Variants in UBQLN2 observed in about 807,000 individuals in gnomAD.
UBQLN2 encodes ubiquilin-2.
A neutral mutation model predicts 22.2 loss-of-function variants in UBQLN2; 2 were observed. That is an observed-to-expected ratio of 0.09 (90% CI 0.04 to 0.28). UBQLN2 has a LOEUF of 0.28. UBQLN2 is among the 10% of genes least tolerant of loss of function. The probability of loss-of-function intolerance (pLI) is 1.00; values close to 1 mark genes in which losing one functional copy is unlikely to be tolerated. For missense variants in UBQLN2, 446 were observed against 505.1 expected (o/e 0.88, Z 1.12); for synonymous variants, 252 against 206.7 (o/e 1.22, Z -1.88).
At position 56,564,541 on chromosome X, in the gene UBQLN2, A is replaced by G; in HGVS notation, c.668A>G (p.His223Arg). Residue 223 changes from histidine to arginine, a missense_variant, in exon 1 of 1, where the codon CAC becomes CGC. By Grantham distance (29) the His-to-Arg change is conservative (BLOSUM62 0). Coordinates refer to ENST00000338222, the MANE Select transcript of UBQLN2 (RefSeq NM_013444.4). ...ATTCAGAGAAACCCAGAAATCAGTC[A>G]CCTGCTCAACAACCCAGACATAATG... ...QLIQRNPEIS[H>R]LLNNPDIMRQ... The G allele has an allele frequency of 8.3e-7, 1 of 1,211,909 alleles. No individual in the cohort carries two copies. The highest frequency in any genetic ancestry group is 1.1e-6 in the Non-Finnish European group (1 of 895,519).
Position 56,565,447 on chromosome X carries a change from C to A in UBQLN2, c.1574C>A (p.Pro525His). 1 of 1,196,376 alleles carries A rather than the reference C, an allele frequency of 8.4e-7. No individual in the cohort carries two copies. Among genetic ancestry groups the A allele is most frequent in the Non-Finnish European group, 1.1e-6 (1 of 887,235 alleles). Residue 525 changes from proline (P) to histidine (H), a missense_variant, in exon 1 of 1, where the codon CCT becomes CAT. Pro to His is a moderately conservative substitution (Grantham distance 77). Around this residue, in one of 3 missense-constraint regions of UBQLN2, gnomAD observed 278 missense variants for 279.4 expected, o/e 1.00. Coordinates refer to ENST00000338222, the MANE Select transcript of UBQLN2 (RefSeq NM_013444.4). Reference protein sequence around the residue: ...PIGPTGPAAPPGSTGSGGPTG... With the variant: ...PIGPTGPAAPHGSTGSGGPTG... ...GGACCCACTGGCCCTGCAGCCCCCC[C>A]TGGCTCCACCGGCTCTGGTGGCCCC...
chrX:56,565,258 T>C lies in UBQLN2; in HGVS notation c.1385T>C (p.Leu462Pro). ...GCTTTAATGCAGATCCAGCAGGGGC[T>C]ACAGACATTAGCCACTGAAGCACCT... The part of the protein sequence containing the change: ...MQALMQIQQG[L>P]QTLATEAPGL... Residue 462 changes from leucine to proline, a missense_variant, in exon 1 of 1, where the codon CTA (leucine) becomes CCA (proline). Physicochemically the swap from Leu to Pro is moderately conservative, Grantham distance 98 (BLOSUM62 -3). Around this residue, in one of 3 missense-constraint regions of UBQLN2, gnomAD observed 278 missense variants for 279.4 expected, o/e 1.00. Transcript: ENST00000338222. 1 of 1,212,140 alleles carries C rather than the reference T, an allele frequency of 8.2e-7. No homozygotes were observed. The highest frequency in any genetic ancestry group is 1.1e-6 in the Non-Finnish European group (1 of 895,510).
At position 56,564,615 on chromosome X, in the gene UBQLN2, A is replaced by G; in HGVS notation, c.742A>G (p.Met248Val). 8.3e-7 allele frequency: 1 copy of G among 1,211,365 alleles called. No individual in the cohort carries two copies. ...GAATCCAGCCATGATGCAAGAGATG[A>G]TGAGAAATCAAGACCTGGCTCTTAG... ...ARNPAMMQEM[M>V]RNQDLALSNL... The change falls in exon 1 of 1, where the codon ATG becomes GTG. Residue 248 changes from methionine (M) to valine (V), a missense_variant. Physicochemically the swap from Met to Val is conservative, Grantham distance 21 (BLOSUM62 1). Coordinates refer to ENST00000338222, the MANE Select transcript of UBQLN2 (RefSeq NM_013444.4).
chrX:56,564,846 G>A lies in UBQLN2; in HGVS notation c.973G>A (p.Ala325Thr), dbSNP rs984382070. Residue 325 changes from alanine (A) to threonine (T), a missense_variant, in exon 1 of 1, where the codon GCT becomes ACT. Ala to Thr is a moderately conservative substitution (Grantham distance 58). Coordinates refer to ENST00000338222, the MANE Select transcript of UBQLN2 (RefSeq NM_013444.4). ...ACCCAATCCATGGGCACCACCGCCAGCTACCCAGAGTTCTGCAACTACCAG... is the reference window on the plus strand; with the variant it reads ...ACCCAATCCATGGGCACCACCGCCAACTACCCAGAGTTCTGCAACTACCAG... ...PLPNPWAPPP[A>T]TQSSATTSTT... is the part of the protein sequence containing the mutation. The A allele has an allele frequency of 1.7e-6, 2 of 1,211,337 alleles. No individual in the cohort carries two copies. Among genetic ancestry groups the A allele is most frequent in the Non-Finnish European group, 2.2e-6 (2 of 895,335 alleles).
chrX:56,564,597 G>C lies in UBQLN2; in HGVS notation c.724G>C (p.Ala242Pro), dbSNP rs1360902821. ...RQTLEIARNP[A>P]MMQEMMRNQD... ...GACACTCGAAATTGCCAGGAATCCA[G>C]CCATGATGCAAGAGATGATGAGAAA... Residue 242 changes from alanine to proline, a missense_variant, in exon 1 of 1, where the codon GCC becomes CCC. Physicochemically the swap from Ala to Pro is conservative, Grantham distance 27. Coordinates refer to ENST00000338222, the MANE Select transcript of UBQLN2 (RefSeq NM_013444.4). 8.3e-7 allele frequency: 1 copy of C among 1,211,692 alleles called. No individual in the cohort carries two copies. Among genetic ancestry groups the C allele is most frequent in the Middle Eastern group, 2.3e-4 (1 of 4,354 alleles).
chrX:56,564,686 G>T lies in UBQLN2; in HGVS notation c.813G>T (p.Met271Ile), dbSNP rs2068631984. ...IPGGYNALRR[M>I]YTDIQEPMLN... ...GTGGCTATAATGCTTTACGGCGCAT[G>T]TACACTGACATTCAAGAGCCGATGC... The change falls in exon 1 of 1, where the codon ATG becomes ATT. Residue 271 changes from methionine to isoleucine, a missense_variant. Met to Ile is a conservative substitution (Grantham distance 10, BLOSUM62 1). Transcript: ENST00000338222. 8.3e-7 allele frequency: 1 copy of T among 1,209,542 alleles called. No homozygotes were observed. Among genetic ancestry groups the T allele is most frequent in the Non-Finnish European group, 1.1e-6 (1 of 894,981 alleles).
At position 56,565,840 on chromosome X, in the gene UBQLN2, C is replaced by T; in HGVS notation, c.*92C>T. ...CACACACAAAATCGTTCTTTACTTT[C>T]ATTTTGATTCTTTTAAATCTGTCTA... On this transcript the variant is annotated 3_prime_UTR_variant, in exon 1 of 1. Coordinates refer to ENST00000338222, the MANE Select transcript of UBQLN2 (RefSeq NM_013444.4). The T allele has an allele frequency of 1.1e-6, 1 of 909,172 alleles. No individual in the cohort carries two copies. The highest frequency in any genetic ancestry group is 1.6e-6 in the Non-Finnish European group (1 of 639,337). 74.9% of individuals were successfully genotyped at this position (909,172 alleles called of 1,213,427 possible).
Position 56,565,514 on chromosome X carries a change from G to A in UBQLN2, c.1641G>A (p.Thr547=), listed in dbSNP as rs2068637973. The change falls in exon 1 of 1, where the codon ACG becomes ACA. Residue 547 remains threonine, a synonymous_variant. Coordinates refer to ENST00000338222, the MANE Select transcript of UBQLN2 (RefSeq NM_013444.4). ...TVSSAAPSET[T]SPTSESGPNQ... is the part of the protein sequence containing the mutation. ...CCAGCGCTGCACCTAGTGAAACCAC[G>A]AGTCCTACATCAGAATCTGGACCCA... is the stretch of plus-strand genomic sequence containing the variant. 3.3e-6 allele frequency: 4 copies of A among 1,209,544 alleles called. No individual in the cohort carries two copies. The highest frequency in any genetic ancestry group is 3.4e-6 in the Non-Finnish European group (3 of 894,152).
Position 56,565,303 on chromosome X carries a change from C to T in UBQLN2, c.1430C>T (p.Thr477Ile). The stretch of plus-strand genomic sequence containing the variant: ...GCACCTGGCCTGATTCCGAGCTTCA[C>T]TCCAGGTGTGGGGGTGGGGGTGCTG... ...TEAPGLIPSFTPGVGVGVLGT... is the reference protein window; with the variant it reads ...TEAPGLIPSFIPGVGVGVLGT... Residue 477 changes from threonine to isoleucine, a missense_variant, in exon 1 of 1, where the codon ACT (threonine) becomes ATT (isoleucine). Physicochemically the swap from Thr to Ile is moderately conservative, Grantham distance 89. Transcript: ENST00000338222. 8.3e-7 allele frequency: 1 copy of T among 1,211,950 alleles called. No homozygotes were observed. Among genetic ancestry groups the T allele is most frequent in the Non-Finnish European group, 1.1e-6 (1 of 895,354 alleles).
In UBQLN2 at chrX:56,567,549, A is replaced by G. The variant is rs1602590733; in HGVS notation, c.*1801A>G. 8.1e-6 allele frequency: 1 copy of G among 122,907 alleles called. No individual in the cohort carries two copies. The allele number at this position is 122,907 out of a possible 1,213,427, so 10.1% of individuals were successfully genotyped here. ...TTACTTAAATCCTATATAATTTGTA[A>G]TAAATATGTTCCTAGGTAATACAGA... On this transcript the variant is annotated 3_prime_UTR_variant, in exon 1 of 1. Transcript: ENST00000338222.
At position 56,564,019 on chromosome X, in the gene UBQLN2, C is replaced by T; in HGVS notation, c.146C>T (p.Pro49Leu). The T allele has an allele frequency of 8.5e-7, 1 of 1,182,870 alleles. No individual in the cohort carries two copies. Among genetic ancestry groups the T allele is most frequent in the Admixed American group, 2.4e-5 (1 of 41,005 alleles). Reference protein sequence around the residue: ...TPKEKEEFAVPENSSVQQFKE... With the variant: ...TPKEKEEFAVLENSSVQQFKE... ...AAAGAGAAAGAGGAGTTCGCGGTGCCCGAGAACAGCTCGGTTCAGCAGTTT... is the reference window on the plus strand; with the variant it reads ...AAAGAGAAAGAGGAGTTCGCGGTGCTCGAGAACAGCTCGGTTCAGCAGTTT... Residue 49 changes from proline to leucine, a missense_variant, in exon 1 of 1, where the codon CCC becomes CTC. Physicochemically the swap from Pro to Leu is moderately conservative, Grantham distance 98. Around this residue, in one of 3 missense-constraint regions of UBQLN2, gnomAD observed 129 missense variants for 198.1 expected, o/e 0.65. Transcript: ENST00000338222.
Position 56,567,501 on chromosome X carries a change from T to C in UBQLN2, c.*1753T>C, listed in dbSNP as rs1602590723. 8.1e-6 allele frequency: 1 copy of C among 123,019 alleles called. No individual in the cohort carries two copies. The highest frequency in any genetic ancestry group is 2.8e-4 in the East Asian group (1 of 3,576). The allele number at this position is 123,019 out of a possible 1,213,427, so 10.1% of individuals were successfully genotyped here. On this transcript the variant is annotated 3_prime_UTR_variant, in exon 1 of 1. Transcript: ENST00000338222. ...ACATGTTGCCTTGTTTCTGAAAAAC[T>C]TTATATATCCTTCAAGAGAGTTTTA...
Position 56,566,846 on chromosome X carries a change from A to G in UBQLN2, c.*1098A>G, listed in dbSNP as rs1451310395. 1 of 123,262 alleles carries G rather than the reference A, an allele frequency of 8.1e-6. No homozygotes were observed. The highest frequency in any genetic ancestry group is 3.2e-5 in the African/African-American group (1 of 30,879). 10.2% of individuals were successfully genotyped at this position (123,262 alleles called of 1,213,427 possible). On this transcript the variant is annotated 3_prime_UTR_variant, in exon 1 of 1. Transcript: ENST00000338222. ...TTTGCATTACTTTTAACTGCTATGT[A>G]TAAAGGAAAGTGTGTCTTTTGACTT... is the stretch of plus-strand genomic sequence containing the variant.
In UBQLN2 at chrX:56,564,999, A is replaced by G. The variant is rs759633626; in HGVS notation, c.1126A>G (p.Ile376Val). Residue 376 changes from isoleucine (I) to valine (V), a missense_variant, in exon 1 of 1, where the codon ATA becomes GTA. Transcript: ENST00000338222. The stretch of plus-strand genomic sequence containing the variant: ...AGGCATGCAGAGCCTGCTGCAACAG[A>G]TAACTGAAAACCCCCAGCTGATTCA... ...TPGMQSLLQQITENPQLIQNM... is the reference protein window; with the variant it reads ...TPGMQSLLQQVTENPQLIQNM... 7 of 1,212,038 alleles carry G rather than the reference A, an allele frequency of 5.8e-6. No homozygotes were observed. Among genetic ancestry groups the G allele is most frequent in the South Asian group, 5.3e-5 (3 of 57,007 alleles).
Position 56,563,914 on chromosome X carries a change from C to A in UBQLN2, c.41C>A (p.Ser14Tyr). ...GAGAGCAGCGGCCCCCCGCGCCCCT[C>A]CCGCGGCCCTGCTGCGGCCCAAGGC... is the stretch of plus-strand genomic sequence containing the variant. ...NGESSGPPRP[S>Y]RGPAAAQGSA... The change falls in exon 1 of 1, where the codon TCC becomes TAC. Residue 14 changes from serine (S) to tyrosine (Y), a missense_variant. Transcript: ENST00000338222. 2 of 1,152,272 alleles carry A rather than the reference C, an allele frequency of 1.7e-6. No individual in the cohort carries two copies. The highest frequency in any genetic ancestry group is 2.3e-6 in the Non-Finnish European group (2 of 864,588). 95.0% of individuals were successfully genotyped at this position (1,152,272 alleles called of 1,213,427 possible). A position where few individuals can be genotyped will look rare whatever the true frequency, so the allele number is the denominator to read the frequency against.
Position 56,565,808 on chromosome X carries a change from T to C in UBQLN2, c.*60T>C. 9.9e-7 allele frequency: 1 copy of C among 1,011,222 alleles called. No individual in the cohort carries two copies. The highest frequency in any genetic ancestry group is 2.0e-5 in the South Asian group (1 of 49,548). The allele number at this position is 1,011,222 out of a possible 1,213,427, so 83.3% of individuals were successfully genotyped here. On this transcript the variant is annotated 3_prime_UTR_variant, in exon 1 of 1. Transcript: ENST00000338222. ...ATTTTTGATAATGGCTCTTAAATCT[T>C]TAAACACACACACAAAATCGTTCTT...
Position 56,565,857 on chromosome X carries a change from ATC to A in UBQLN2, c.*111_*112del. On this transcript the variant is annotated 3_prime_UTR_variant, in exon 1 of 1. Coordinates refer to ENST00000338222, the MANE Select transcript of UBQLN2 (RefSeq NM_013444.4). Reference sequence around the variant, plus strand: ...TTTACTTTCATTTTGATTCTTTTAAATCTGTCTAGTTGTAAGTCTAATATGAT... The same window carrying A: ...TTTACTTTCATTTTGATTCTTTTAAATGTCTAGTTGTAAGTCTAATATGAT... The A allele has an allele frequency of 3.6e-6, 3 of 827,085 alleles. No individual in the cohort carries two copies. The South Asian group carries it at 6.8e-5, about 19-fold the overall frequency. The allele number at this position is 827,085 out of a possible 1,213,427, so 68.2% of individuals were successfully genotyped here. A position where few individuals can be genotyped will look rare whatever the true frequency, so the allele number is the denominator to read the frequency against.
chrX:56,567,419 G>A lies in UBQLN2; in HGVS notation c.*1671G>A, dbSNP rs1308427141. On this transcript the variant is annotated 3_prime_UTR_variant, in exon 1 of 1. Transcript: ENST00000338222. ...CAAAAATATATTGAGAATTTGGTTG[G>A]GATTCTCTTAAATTGATATGACTGT... 8.1e-6 allele frequency: 1 copy of A among 122,727 alleles called. No homozygotes were observed. Among genetic ancestry groups the A allele is most frequent in the Non-Finnish European group, 1.9e-5 (1 of 53,039 alleles). 10.1% of individuals were successfully genotyped at this position (122,727 alleles called of 1,213,427 possible). A position where few individuals can be genotyped will look rare whatever the true frequency, so the allele number is the denominator to read the frequency against.
Position 56,565,914 on chromosome X carries a change from C to T in UBQLN2, c.*166C>T. On this transcript the variant is annotated 3_prime_UTR_variant, in exon 1 of 1. Coordinates refer to ENST00000338222, the MANE Select transcript of UBQLN2 (RefSeq NM_013444.4). ...TTTAAGATGGAGTCCCTCCCTCCTA[C>T]TTCCCTCACTCCCTTTCTCCTTTGC... 1.9e-6 allele frequency: 1 copy of T among 520,761 alleles called. No individual in the cohort carries two copies. The highest frequency in any genetic ancestry group is 3.3e-6 in the Non-Finnish European group (1 of 304,321). 42.9% of individuals were successfully genotyped at this position (520,761 alleles called of 1,213,427 possible). A position where few individuals can be genotyped will look rare whatever the true frequency, so the allele number is the denominator to read the frequency against.
Sources: allele counts gnomAD v4.1 joint callset, GRCh38; gene constraint gnomAD v4.1.1; regional missense constraint gnomAD v4.1.1; transcripts MANE v1.5; gene names NCBI Gene and HGNC (gene_info 2026-07-23, HGNC 2026-07-21).